The following SLC22A3 variants were observed in gnomAD, a reference collection of about 807,000 sequenced individuals.
The protein encoded by SLC22A3 is solute carrier family 22 member 3, also known as EMT organic cation transporter 3.
In SLC22A3, 51 loss-of-function variants were observed where a neutral mutation model predicts 59.1. The observed-to-expected ratio is 0.86, with a 90% confidence interval of 0.69 to 1.09. The LOEUF (loss-of-function observed/expected upper bound fraction) is 1.09, where lower values mean the gene tolerates loss of function less well. Among genes scored for constraint, SLC22A3 ranks in the 50% least tolerant of loss-of-function variants. The probability of loss-of-function intolerance (pLI) is 0.00; values close to 1 mark genes in which losing one functional copy is unlikely to be tolerated. For missense variants in SLC22A3, 711 were observed against 726.3 expected (o/e 0.98, Z 0.24); for synonymous variants, 325 against 292.0 (o/e 1.11, Z -1.15).
At position 160,452,390 on chromosome 6, in the gene SLC22A3, A is replaced by G. The variant is rs1392294340; in HGVS notation, c.*1334A>G. ...AACACATCAGAATTGAATACGAATA[A>G]TCTATTTGTCGATGAAATAAACACA... On this transcript the variant is annotated 3_prime_UTR_variant, in exon 11 of 11. Coordinates refer to ENST00000275300, the MANE Select transcript of SLC22A3 (RefSeq NM_021977.4). The G allele has an allele frequency of 6.6e-6, 1 of 152,196 alleles. No individual in the cohort carries two copies. The highest frequency in any genetic ancestry group is 6.5e-5 in the Admixed American group (1 of 15,280). 9.4% of individuals were successfully genotyped at this position (152,196 alleles called of 1,614,324 possible).
intron 7 of SLC22A3, among the ~76,000 whole-genome samples, chr6:160,438,886 T>A (rs1425033819): frequency 6.6e-6 from 1 of 152,096 alleles, no homozygotes; most frequent in Non-Finnish European, 1.5e-5. Flanking sequence ...TCCTTGCAGC[T>A]CCTTGGTGTC....
intron 1 of SLC22A3, among the ~76,000 whole-genome samples, chr6:160,366,294 G>A (rs1583449073): frequency 6.6e-6 from 1 of 152,152 alleles, no homozygotes. Context: ...AGATACAATG[G>A]GGATACAGGC....
chr6:160,421,586 G>A (rs976513092), intron 5 of SLC22A3, among the ~76,000 whole-genome samples: 1 of 152,132 alleles, frequency 6.6e-6, no homozygotes, highest in Non-Finnish European at 1.5e-5. Context: ...CCTACCCTGA[G>A]CCCCGGCAGT....
chr6:160,376,595 A>G (rs1396347505), intron 1 of SLC22A3, among the ~76,000 whole-genome samples: 1 of 152,164 alleles, frequency 6.6e-6, no homozygotes, highest in Non-Finnish European at 1.5e-5. Context: ...GTGATTAGGC[A>G]TCTACCTGTG....
In SLC22A3 at chr6:160,447,740, G is replaced by C. The variant is rs375284193; in HGVS notation, c.1532G>C (p.Gly511Ala). The C allele has an allele frequency of 6.2e-7, 1 of 1,614,086 alleles. No homozygotes were observed. Among genetic ancestry groups the C allele is most frequent in the African/African-American group, 1.3e-5 (1 of 75,030 alleles). The change falls in exon 10 of 11, where the codon GGT becomes GCT. Residue 511 changes from glycine (G) to alanine (A), a missense_variant. Transcript: ENST00000275300. The part of the protein sequence containing the change: ...IIFGILASIC[G>A]GLVMLLPETK... ...ATAGGTATCCTGGCATCCATCTGTGGTGGCCTTGTGATGCTTTTGCCTGAA... is the reference window on the plus strand; with the variant it reads ...ATAGGTATCCTGGCATCCATCTGTGCTGGCCTTGTGATGCTTTTGCCTGAA...
intron 2 of SLC22A3, among the ~76,000 whole-genome samples, chr6:160,399,297 C>A (rs1464125666): frequency 6.6e-6 from 1 of 152,144 alleles, no homozygotes; most frequent in Non-Finnish European, 1.5e-5. Flanking sequence ...TAATTTCCCC[C>A]ACATGCCACT....
chr6:160,419,400 G>A (rs899997984), intron 5 of SLC22A3, among the ~76,000 whole-genome samples: 8 of 152,154 alleles, frequency 5.3e-5, no homozygotes, highest in African/African-American at 1.4e-4. Flanking sequence ...GGAGCCCATC[G>A]GGGATGGTGG....
intron 1 of SLC22A3, among the ~76,000 whole-genome samples, chr6:160,385,018 T>C (rs112231333): frequency 6.6e-5 from 10 of 152,222 alleles, no homozygotes; most frequent in Non-Finnish European, 1.5e-4. Flanking sequence ...AGTGGGCAGC[T>C]CCCTGCCTCC....
chr6:160,425,092 A>C (rs1787898553), intron 5 of SLC22A3, among the ~76,000 whole-genome samples: 1 of 152,188 alleles, frequency 6.6e-6, no homozygotes, highest in South Asian at 2.1e-4. Context: ...AACTTCATGT[A>C]GGGTTGCTTG....
chr6:160,401,882 T>C (rs535868343), intron 2 of SLC22A3, among the ~76,000 whole-genome samples: 4 of 151,800 alleles, frequency 2.6e-5, no homozygotes, highest in African/African-American at 7.2e-5. Context: ...ATGACTGATA[T>C]GCTAAAATGA....
chr6:160,408,310 G>C (rs1190135357), intron 3 of SLC22A3, among the ~76,000 whole-genome samples: 2 of 152,126 alleles, frequency 1.3e-5, no homozygotes, highest in Non-Finnish European at 2.9e-5. Flanking sequence ...TCTTTGTAGA[G>C]TCTTATATTT....
At chr6:160,416,017 G>T (rs937160486) in intron 5 of SLC22A3, among the ~76,000 whole-genome samples, 1 of 152,142 alleles carries the variant, frequency 6.6e-6, no homozygotes, top group African/African-American at 2.4e-5. Context: ...TGAAACAGGT[G>T]CATTTTGAGG....
intron 10 of SLC22A3, among the ~76,000 whole-genome samples, chr6:160,450,399 G>A (rs1788905953): frequency 6.6e-6 from 1 of 152,156 alleles, no homozygotes; most frequent in Non-Finnish European, 1.5e-5. Flanking sequence ...CAGACCTTAT[G>A]GTTGTCTTCT....
At chr6:160,404,181 A>T (rs1472174662) in intron 2 of SLC22A3, among the ~76,000 whole-genome samples, 1 of 123,522 alleles carries the variant, frequency 8.1e-6, no homozygotes, top group Non-Finnish European at 1.6e-5. Flanking sequence ...AAATCAAAAG[A>T]ATTAACAACA....
intron 5 of SLC22A3, among the ~76,000 whole-genome samples, chr6:160,412,415 C>T (rs1307934419): frequency 6.6e-6 from 1 of 152,078 alleles, no homozygotes; most frequent in Non-Finnish European, 1.5e-5. Context: ...GCCCTTGAAG[C>T]TTGGTCATGT....
intron 1 of SLC22A3, among the ~76,000 whole-genome samples, chr6:160,389,322 G>A (rs774922683): frequency 1.3e-5 from 2 of 152,124 alleles, no homozygotes; most frequent in Admixed American, 6.5e-5. Flanking sequence ...ATGAACGAGT[G>A]TTTATGGAGA....
intron 1 of SLC22A3, among the ~76,000 whole-genome samples, chr6:160,351,025 T>G (rs985964739): frequency 6.6e-6 from 1 of 152,224 alleles, no homozygotes; most frequent in Non-Finnish European, 1.5e-5. Context: ...GATTAAAAAG[T>G]CTTTAAGAAA....
At chr6:160,405,380 G>C (rs1786971742) in intron 2 of SLC22A3, among the ~76,000 whole-genome samples, 1 of 152,054 alleles carries the variant, frequency 6.6e-6, no homozygotes. Context: ...TATTAGAATG[G>C]CCAAAATCCA....
At chr6:160,354,997 G>C (rs1784781677) in intron 1 of SLC22A3, among the ~76,000 whole-genome samples, 1 of 152,182 alleles carries the variant, frequency 6.6e-6, no homozygotes. Context: ...CCGGAGGATG[G>C]TGGAACTCTT....
Sources: gnomAD v4.1 joint callset for allele counts (sites outside exome capture counted in the v4.1 genomes callset) on GRCh38, gnomAD v4.1.1 for gene constraint, MANE v1.5 for transcripts, NCBI Gene and HGNC (gene_info 2026-07-23, HGNC 2026-07-21) for gene names.